Variants in CDH4 observed in about 807,000 individuals in gnomAD.
The protein encoded by CDH4 is cadherin 4.
In CDH4, 33 loss-of-function variants were observed where a neutral mutation model predicts 86.0. The ratio of observed to expected loss-of-function variants is 0.38; its 90% confidence interval spans 0.29 to 0.51. CDH4 has a LOEUF of 0.51. Among genes scored for constraint, CDH4 ranks in the 20% least tolerant of loss-of-function variants. CDH4 has a pLI of 0.86. For missense variants in CDH4, 1,114 were observed against 1,307.4 expected (o/e 0.85, Z 2.28); for synonymous variants, 555 against 549.4 (o/e 1.01, Z -0.14).
intron 4 of CDH4, among the ~76,000 whole-genome samples, chr20:61,797,035 C>T (rs1407019860): frequency 2.6e-5 from 4 of 151,436 alleles, no homozygotes; most frequent in African/African-American, 4.9e-5. Flanking sequence ...CCTGGGTGGC[C>T]GGGTAAGAGG....
chr20:61,877,959 C>T (rs1984112286), intron 7 of CDH4, among the ~76,000 whole-genome samples: 1 of 152,122 alleles, frequency 6.6e-6, no homozygotes, highest in Non-Finnish European at 1.5e-5. Flanking sequence ...AGGCCCGGCC[C>T]CAAGCAGACT....
rs568256043 is a variant in CDH4, at chr20:61,590,112, G to A, written c.170-153451G>A. Among the ~76,000 whole-genome samples, 24 of 151,240 alleles carry A rather than the reference G, an allele frequency of 1.6e-4. No homozygotes were observed. The East Asian group carries it at 2.4e-3, about 15-fold the overall frequency. ...TATTTCAGGAGCAACAGGAAGCACA[G>A]GAGCTTAAACGATTGTGGTTCCTCT... On this transcript the variant is annotated intron_variant, in intron 2 of 15. Coordinates refer to ENST00000614565, the MANE Select transcript of CDH4 (RefSeq NM_001794.5).
intron 2 of CDH4, among the ~76,000 whole-genome samples, chr20:61,625,229 G>A (rs1194902269): frequency 2.6e-5 from 4 of 152,180 alleles, no homozygotes; most frequent in East Asian, 1.9e-4. Flanking sequence ...GGACCCAGGC[G>A]TGATCCTAGT....
intron 2 of CDH4, among the ~76,000 whole-genome samples, chr20:61,440,534 T>A (rs558919247): frequency 5.3e-5 from 8 of 152,152 alleles, no homozygotes; most frequent in Non-Finnish European, 8.8e-5. Context: ...TTTGCAAAAT[T>A]TTAGTTTTGT....
intron 2 of CDH4, among the ~76,000 whole-genome samples, chr20:61,312,613 G>A (rs374395752): frequency 3.7e-4 from 57 of 152,230 alleles, no homozygotes; most frequent in African/African-American, 1.0e-3. Flanking sequence ...TGACTTTCTC[G>A]CTAGAGCCTG....
chr20:61,831,496 G>A (rs1284254519), intron 4 of CDH4, among the ~76,000 whole-genome samples: 1 of 152,236 alleles, frequency 6.6e-6, no homozygotes, highest in Non-Finnish European at 1.5e-5. Flanking sequence ...GCCACAGCCA[G>A]GCCTGACACC....
intron 9 of CDH4, among the ~76,000 whole-genome samples, chr20:61,921,881 G>A (rs1480857622): frequency 6.6e-6 from 1 of 152,052 alleles, no homozygotes; most frequent in African/African-American, 2.4e-5. Flanking sequence ...ATTAGTTTTT[G>A]GTTTATCCTC....
intron 2 of CDH4, among the ~76,000 whole-genome samples, chr20:61,551,560 G>A (rs533405742): frequency 4.8e-4 from 73 of 152,282 alleles, no homozygotes; most frequent in African/African-American, 1.7e-3. Flanking sequence ...TTTGCCATTG[G>A]GGAACTTCCT....
rs569796280 is a variant in CDH4, at chr20:61,269,631, A to G, written c.169+14694A>G. Among the ~76,000 whole-genome samples, 16 of 152,036 alleles carry G rather than the reference A, an allele frequency of 1.1e-4. No individual in the cohort carries two copies. Among genetic ancestry groups the G allele is most frequent in the Non-Finnish European group, 2.1e-4 (14 of 67,996 alleles). On this transcript the variant is annotated intron_variant, in intron 2 of 15. Coordinates refer to ENST00000614565, the MANE Select transcript of CDH4 (RefSeq NM_001794.5). The surrounding 1 kb of genome is among the most constrained non-coding windows in gnomAD (Gnocchi z 5.3). ...ATTATTTATTTAATTAATTATACTT[A>G]TTTATTAATGTAAACACATCAGGCC... is the stretch of plus-strand genomic sequence containing the variant.
chr20:61,870,726 A>G (rs974881309), intron 6 of CDH4, among the ~76,000 whole-genome samples: 2 of 151,958 alleles, frequency 1.3e-5, no homozygotes, highest in African/African-American at 2.4e-5. Flanking sequence ...GTCACCACCG[A>G]CCCCCATGAC....
At chr20:61,425,912 C>A (rs1327280507) in intron 2 of CDH4, among the ~76,000 whole-genome samples, 1 of 152,204 alleles carries the variant, frequency 6.6e-6, no homozygotes, top group Non-Finnish European at 1.5e-5. Context: ...CCGCCCAGGG[C>A]AGGATGGCCA....
intron 2 of CDH4, among the ~76,000 whole-genome samples, chr20:61,462,601 C>A (rs1600696332): frequency 1.3e-5 from 1 of 77,306 alleles, no homozygotes; most frequent in Admixed American, 1.5e-4. Context: ...CCTCCCTCAG[C>A]CCCCTTTGTG....
intron 2 of CDH4, among the ~76,000 whole-genome samples, chr20:61,472,501 T>C (rs1308872603): frequency 2.0e-5 from 3 of 152,220 alleles, no homozygotes; most frequent in Non-Finnish European, 2.9e-5. Context: ...TCTGATGATA[T>C]GTTTCAATTT....
At chr20:61,558,925 G>A (rs980062604) in intron 2 of CDH4, among the ~76,000 whole-genome samples, 11 of 152,210 alleles carry the variant, frequency 7.2e-5, no homozygotes, top group African/African-American at 1.9e-4. Flanking sequence ...CCAGCCTTGC[G>A]ATCCCTCACT....
Position 61,420,360 on chromosome 20 carries a change from A to C in CDH4, c.169+165423A>C, listed in dbSNP as rs369063772. On this transcript the variant is annotated intron_variant, in intron 2 of 15. Coordinates refer to ENST00000614565, the MANE Select transcript of CDH4 (RefSeq NM_001794.5). ...TGGAAGGCATTGATCTTGCCACTAAAGGCCATGGAATGAAAGGGTGCAGGA... is the reference window on the plus strand; with the variant it reads ...TGGAAGGCATTGATCTTGCCACTAACGGCCATGGAATGAAAGGGTGCAGGA... Among the ~76,000 whole-genome samples the C allele has an allele frequency of 2.6e-5, 4 of 152,326 alleles. No homozygotes were observed. The South Asian group carries it at 6.2e-4, about 24-fold the overall frequency.
intron 2 of CDH4, among the ~76,000 whole-genome samples, chr20:61,526,128 C>T (rs2085907871): frequency 6.6e-6 from 1 of 152,144 alleles, no homozygotes; most frequent in Non-Finnish European, 1.5e-5. Context: ...CTGTTCCTTC[C>T]GAGTCTCTAT....
intron 6 of CDH4, among the ~76,000 whole-genome samples, chr20:61,857,373 C>A (rs887111386): frequency 6.6e-6 from 1 of 152,372 alleles, no homozygotes; most frequent in African/African-American, 2.4e-5. Flanking sequence ...CCCGCAGACC[C>A]GTACCACAGA....
At chr20:61,506,745 A>C (rs1205245548) in intron 2 of CDH4, among the ~76,000 whole-genome samples, 1 of 152,070 alleles carries the variant, frequency 6.6e-6, no homozygotes, top group East Asian at 1.9e-4. Flanking sequence ...AACTCAAGAG[A>C]GGCTTTTTGG....
chr20:61,317,004 C>T (rs1163723995), intron 2 of CDH4, among the ~76,000 whole-genome samples: 1 of 147,470 alleles, frequency 6.8e-6, no homozygotes, highest in Non-Finnish European at 1.5e-5. Flanking sequence ...TGCACGTAAC[C>T]TGCTATTTCT....
Sources: gnomAD v4.1 joint callset for allele counts (sites outside exome capture counted in the v4.1 genomes callset) on GRCh38, gnomAD v4.1.1 for gene constraint, Gnocchi (gnomAD v3.1) non-coding constraint, MANE v1.5 for transcripts, NCBI Gene and HGNC (gene_info 2026-07-23, HGNC 2026-07-21) for gene names.